Variants in LPGAT1 observed in about 807,000 individuals in gnomAD.
The protein encoded by LPGAT1 is lysophosphatidylglycerol acyltransferase 1.
Under a neutral mutation model 47.5 loss-of-function variants are expected in LPGAT1, and 11 were observed. The ratio of observed to expected loss-of-function variants is 0.23; its 90% CI spans 0.15 to 0.38. The LOEUF (loss-of-function observed/expected upper bound fraction) is 0.38, where lower values mean the gene tolerates loss of function less well. LPGAT1 is among the 10% of genes least tolerant of loss of function. The pLI, the probability that LPGAT1 is intolerant of heterozygous loss-of-function variation, is 1.00. For missense variants in LPGAT1, 293 were observed against 439.0 expected, an observed-to-expected ratio of 0.67 and a Z score of 2.97; for synonymous variants, 138 against 144.2, an observed-to-expected ratio of 0.96 and a Z score of 0.31.
chr1:211,824,692 G>C (rs1394587456), intron 2 of LPGAT1, among the ~76,000 whole-genome samples: 1 of 152,116 alleles, frequency 6.6e-6, no homozygotes, highest in Non-Finnish European at 1.5e-5. Flanking sequence ...ATGCATTTCT[G>C]ATATATTCTA....
chr1:211,804,935 C>G (rs375301145), intron 2 of LPGAT1, among the ~76,000 whole-genome samples: 1 of 152,014 alleles, frequency 6.6e-6, no homozygotes, highest in Non-Finnish European at 1.5e-5. Context: ...CATATAACTG[C>G]ACATTGTAGA....
chr1:211,765,935 C>T (rs1376375805), intron 6 of LPGAT1, among the ~76,000 whole-genome samples: 1 of 152,050 alleles, frequency 6.6e-6, no homozygotes, highest in African/African-American at 2.4e-5. Flanking sequence ...ACTCCCTTCC[C>T]CCGCAATGTG....
At chr1:211,801,313 T>C (rs1659565503) in intron 2 of LPGAT1, among the ~76,000 whole-genome samples, 1 of 152,208 alleles carries the variant, frequency 6.6e-6, no homozygotes. Context: ...CTTCCATTAG[T>C]TTCCCCCATG....
intron 5 of LPGAT1, among the ~76,000 whole-genome samples, chr1:211,782,545 T>A (rs777959579): frequency 6.6e-6 from 1 of 151,952 alleles, no homozygotes; most frequent in Non-Finnish European, 1.5e-5. Flanking sequence ...ACTAGTCTGG[T>A]CAACACAGTG....
At position 211,743,705 on chromosome 1, in the gene LPGAT1, A is replaced by C. The variant is rs1388105642; in HGVS notation, c.*6194T>G. ...CAGCAATAGATCTCTGAGTGCTTCC[A>C]ATTTGTTTTCAGGCCTCTGTCCCCA... On this transcript the variant is annotated 3_prime_UTR_variant, in exon 8 of 8. Coordinates refer to ENST00000366997, the MANE Select transcript of LPGAT1 (RefSeq NM_014873.3). 6.6e-6 allele frequency: 1 copy of C among 152,182 alleles called. No homozygotes were observed. Among genetic ancestry groups the C allele is most frequent in the East Asian group, 1.9e-4 (1 of 5,198 alleles). 9.4% of individuals were successfully genotyped at this position (152,182 alleles called of 1,614,324 possible).
chr1:211,828,526 TTA>T (rs1367789227), intron 2 of LPGAT1, among the ~76,000 whole-genome samples: 1 of 152,186 alleles, frequency 6.6e-6, no homozygotes, highest in African/African-American at 2.4e-5. Context: ...ACTCTCAGAT[TTA>T]TGAGATAAAA....
intron 6 of LPGAT1, among the ~76,000 whole-genome samples, chr1:211,759,829 G>C (rs1283842579): frequency 1.3e-5 from 2 of 152,102 alleles, no homozygotes; most frequent in Non-Finnish European, 2.9e-5. Context: ...TTTGTTATTA[G>C]AAACAATGTG....
chr1:211,751,092 C>A (rs1172181921), intron 6 of LPGAT1, 25 bp from the exon 7 acceptor site: 2 of 1,451,226 alleles, frequency 1.4e-6, no homozygotes, highest in Non-Finnish European at 1.9e-6. Context: ...AAGAAAAGAA[C>A]AAAAACTATT....
chr1:211,772,747 A>G (rs1658227948), intron 6 of LPGAT1, among the ~76,000 whole-genome samples: 1 of 152,224 alleles, frequency 6.6e-6, no homozygotes, highest in Admixed American at 6.6e-5. Flanking sequence ...TGATGTGCAC[A>G]TGAGATTTCA....
intron 2 of LPGAT1, among the ~76,000 whole-genome samples, chr1:211,805,680 G>T (rs908849619): frequency 6.6e-6 from 1 of 151,848 alleles, no homozygotes; most frequent in African/African-American, 2.4e-5. Context: ...AAATAATTTG[G>T]CCCAGATGGT....
Position 211,783,476 on chromosome 1 carries a change from C to T in LPGAT1, c.480G>A (p.Leu160=). Residue 160 remains leucine (L), a synonymous_variant, in exon 5 of 8, where the codon CTG becomes CTA. Transcript: ENST00000366997. The part of the protein sequence containing the change: ...RQGRSYRDQQ[L]LLLKKHLENN... ...TTTCTAAGTGCTTCTTGAGAAGCAG[C>T]AGCTGTTGGTCACGATAAGATCTTC... 1 of 1,613,688 alleles carries T rather than the reference C, an allele frequency of 6.2e-7. No homozygotes were observed. Among genetic ancestry groups the T allele is most frequent in the South Asian group, 1.1e-5 (1 of 91,048 alleles).
intron 4 of LPGAT1, 131 bp from the exon 5 acceptor site, chr1:211,783,633 C>G (rs1658729613): frequency 1.4e-6 from 1 of 706,986 alleles, no homozygotes; most frequent in South Asian, 3.1e-5. Flanking sequence ...CCACCCCACC[C>G]CAACTTACTG....
At position 211,750,021 on chromosome 1, in the gene LPGAT1, C is replaced by T; in HGVS notation, c.991G>A (p.Glu331Lys). 2 of 1,613,978 alleles carry T rather than the reference C, an allele frequency of 1.2e-6. No homozygotes were observed. Among genetic ancestry groups the T allele is most frequent in the Non-Finnish European group, 1.7e-6 (2 of 1,179,970 alleles). Reference sequence around the variant, plus strand: ...AGGGTCATCTCCCTGGAAACAGCTTCCTTATGGCCCTTGGAAGGTGGAAAA... The same window carrying T: ...AGGGTCATCTCCCTGGAAACAGCTTTCTTATGGCCCTTGGAAGGTGGAAAA... The part of the protein sequence containing the change: ...GAFPPSKGHK[E>K]AVSREMTLSN... Residue 331 changes from glutamate to lysine, a missense_variant, in exon 8 of 8, where the codon GAA becomes AAA. Glu to Lys is a moderately conservative substitution (Grantham distance 56). Coordinates refer to ENST00000366997, the MANE Select transcript of LPGAT1 (RefSeq NM_014873.3).
At chr1:211,805,829 A>G (rs1571751594) in intron 2 of LPGAT1, among the ~76,000 whole-genome samples, 1 of 152,238 alleles carries the variant, frequency 6.6e-6, no homozygotes, top group Non-Finnish European at 1.5e-5. Flanking sequence ...CCAGAAAAAG[A>G]CAAGCAAACA....
intron 2 of LPGAT1, among the ~76,000 whole-genome samples, chr1:211,815,709 C>G (rs983027171): frequency 6.6e-6 from 1 of 151,866 alleles, no homozygotes; most frequent in Non-Finnish European, 1.5e-5. Flanking sequence ...TCCTCTCCCC[C>G]TCACTCCCTC....
At chr1:211,757,336 A>C (rs1226450528) in intron 6 of LPGAT1, among the ~76,000 whole-genome samples, 1 of 151,922 alleles carries the variant, frequency 6.6e-6, no homozygotes, top group African/African-American at 2.4e-5. Flanking sequence ...CCTTGGGAAA[A>C]TTGTTTAACT....
At chr1:211,765,268 A>G (rs1232169377) in intron 6 of LPGAT1, among the ~76,000 whole-genome samples, 1 of 152,184 alleles carries the variant, frequency 6.6e-6, no homozygotes, top group African/African-American at 2.4e-5. Flanking sequence ...AAATGTTAAT[A>G]TTTCTCACAT....
chr1:211,770,499 A>G (rs1346639828), intron 6 of LPGAT1, among the ~76,000 whole-genome samples: 1 of 152,226 alleles, frequency 6.6e-6, no homozygotes, highest in Non-Finnish European at 1.5e-5. Context: ...GTTTACATAC[A>G]TAGTCATGTG....
chr1:211,791,179 C>A (rs1321942565), intron 3 of LPGAT1, among the ~76,000 whole-genome samples: 1 of 152,142 alleles, frequency 6.6e-6, no homozygotes, highest in African/African-American at 2.4e-5. Flanking sequence ...ACAGATTCTG[C>A]AATAATAAAA....
Sources: allele counts gnomAD v4.1 joint callset (sites outside exome capture counted in the v4.1 genomes callset), GRCh38; gene constraint gnomAD v4.1.1; transcripts MANE v1.5; gene names NCBI Gene and HGNC (gene_info 2026-07-23, HGNC 2026-07-21).